Variants in PPP1R16B observed in about 807,000 individuals in gnomAD.
The protein encoded by PPP1R16B is protein phosphatase 1 regulatory inhibitor subunit 16B.
PPP1R16B carries 14 observed loss-of-function variants against 61.7 expected under a neutral mutation model. The ratio of observed to expected loss-of-function variants is 0.23; its 90% CI spans 0.15 to 0.35. The LOEUF (loss-of-function observed/expected upper bound fraction) is 0.35, where lower values mean the gene tolerates loss of function less well. PPP1R16B is among the 10% of genes least tolerant of loss of function. The pLI is 1.00. For missense variants in PPP1R16B, 547 were observed against 752.5 expected, an observed-to-expected ratio of 0.73 and a Z score of 3.19; for synonymous variants, 266 against 305.3, an observed-to-expected ratio of 0.87 and a Z score of 1.34.
chr20:38,852,872 C>G (rs1423195210), intron 2 of PPP1R16B, among the ~76,000 whole-genome samples: 2 of 148,748 alleles, frequency 1.3e-5, no homozygotes. Context: ...CTCCCAGGTT[C>G]AAGTGATTTT....
In PPP1R16B at chr20:38,841,517, G is replaced by A. The variant is rs561754793; in HGVS notation, c.250+5342G>A. On this transcript the variant is annotated intron_variant, in intron 2 of 10. Coordinates refer to ENST00000299824, the MANE Select transcript of PPP1R16B (RefSeq NM_015568.4). ...CACTCTAGCCTGGGTGACAGAGCAA[G>A]ACCCCATCTCAAAAACAAACAGAAA... Among the ~76,000 whole-genome samples the A allele has an allele frequency of 3.3e-5, 5 of 152,302 alleles. No individual in the cohort carries two copies. In the East Asian group the frequency reaches 9.6e-4, roughly 29 times the overall value.
chr20:38,908,297 A>G, intron 10 of PPP1R16B, 104 bp downstream of exon 10: 1 of 1,400,146 alleles, frequency 7.1e-7, no homozygotes, highest in Admixed American at 2.1e-5. Context: ...AGAGGGAAGT[A>G]GCCAGGCACT....
At chr20:38,841,081 A>G (rs770465253) in intron 2 of PPP1R16B, among the ~76,000 whole-genome samples, 1 of 151,856 alleles carries the variant, frequency 6.6e-6, no homozygotes, top group Non-Finnish European at 1.5e-5. Context: ...CTTCACAGCA[A>G]CTCTCTGAGG....
chr20:38,903,563 ATCCGTCCGTCCG>A (rs761663178), intron 6 of PPP1R16B, among the ~76,000 whole-genome samples: 2,450 of 147,106 alleles, frequency 0.017, 65 homozygotes, highest in African/African-American at 0.052. Context: ...CCATCCATCC[ATCCGTCCGTCCG>A]TCCGTCCATC....
At chr20:38,842,171 G>A (rs1012499205) in intron 2 of PPP1R16B, among the ~76,000 whole-genome samples, 13 of 152,204 alleles carry the variant, frequency 8.5e-5, no homozygotes, top group Admixed American at 3.9e-4. Context: ...CGAAGCCCAT[G>A]TATTTAACCA....
chr20:38,861,310 T>C (rs753134334), intron 2 of PPP1R16B, among the ~76,000 whole-genome samples: 1 of 152,190 alleles, frequency 6.6e-6, no homozygotes, highest in African/African-American at 2.4e-5. Flanking sequence ...CAACTTGGTA[T>C]TTGAGCTGGT....
chr20:38,842,463 T>C (rs1416521274), intron 2 of PPP1R16B, among the ~76,000 whole-genome samples: 1 of 152,226 alleles, frequency 6.6e-6, no homozygotes, highest in African/African-American at 2.4e-5. Context: ...TTTATGGAAA[T>C]TCTCATTCAA....
chr20:38,893,259 A>T (rs2085304874), intron 3 of PPP1R16B, among the ~76,000 whole-genome samples: 1 of 152,118 alleles, frequency 6.6e-6, no homozygotes, highest in South Asian at 2.1e-4. Context: ...GGCTGTTGCT[A>T]TTGTTATCAC....
chr20:38,890,768 T>C (rs2085286350), intron 3 of PPP1R16B, among the ~76,000 whole-genome samples: 1 of 152,228 alleles, frequency 6.6e-6, no homozygotes, highest in Non-Finnish European at 1.5e-5. Context: ...AGCCTCCCTG[T>C]GCCCGAGTTT....
At position 38,833,783 on chromosome 20, in the gene PPP1R16B, T is replaced by C. The variant is rs566734967; in HGVS notation, c.-101-2042T>C. On this transcript the variant is annotated intron_variant, in intron 1 of 10. Coordinates refer to ENST00000299824, the MANE Select transcript of PPP1R16B (RefSeq NM_015568.4). ...CATTGCCAAGCCAACCCCTTCCCCATTCTGCCTGCTTACTCTCCAGTCTCC... is the reference window on the plus strand; with the variant it reads ...CATTGCCAAGCCAACCCCTTCCCCACTCTGCCTGCTTACTCTCCAGTCTCC... Among the ~76,000 whole-genome samples, 24 of 152,340 alleles carry C rather than the reference T, an allele frequency of 1.6e-4. No individual in the cohort carries two copies. In the South Asian group the frequency reaches 4.8e-3, roughly 30 times the overall value.
At chr20:38,855,941 T>TAGAGAG (rs1371645291) in intron 2 of PPP1R16B, among the ~76,000 whole-genome samples, 7 of 25,372 alleles carry the variant, frequency 2.8e-4, no homozygotes, top group Admixed American at 1.7e-3. Context: ...TATATATATA[T>TAGAGAG]ATAGAGAGAG....
intron 1 of PPP1R16B, among the ~76,000 whole-genome samples, chr20:38,817,771 G>A (rs893315270): frequency 3.9e-5 from 6 of 152,106 alleles, no homozygotes; most frequent in South Asian, 2.1e-4. Flanking sequence ...TGGGTCGGGC[G>A]TAGTGGTTCA....
intron 2 of PPP1R16B, among the ~76,000 whole-genome samples, chr20:38,852,768 T>TTTTG (rs1601257219): frequency 6.3e-4 from 39 of 62,364 alleles, no homozygotes; most frequent in African/African-American, 8.0e-4. Flanking sequence ...TTTTTTTTTT[T>TTTTG]GCGGGGGGTG....
Position 38,918,010 on chromosome 20 carries a change from C to T in PPP1R16B, c.1195-147C>T. On this transcript the variant is annotated intron_variant, in intron 10 of 10. Transcript: ENST00000299824. This position sits in a 1 kb window ranked among gnomAD's most constrained non-coding sequence, Gnocchi z 5.3. ...TACGGAAATTCATAGATTGGGGGTT[C>T]CCCAAAGGAAAACCCTGGCCCCGAT... 5.4e-6 allele frequency: 6 copies of T among 1,117,164 alleles called. No individual in the cohort carries two copies. In the South Asian group the frequency reaches 9.1e-5, roughly 17 times the overall value. The allele number at this position is 1,117,164 out of a possible 1,614,324, so 69.2% of individuals were successfully genotyped here.
chr20:38,914,518 C>A (rs529923879), intron 10 of PPP1R16B, among the ~76,000 whole-genome samples: 1 of 152,308 alleles, frequency 6.6e-6, no homozygotes, highest in African/African-American at 2.4e-5. Context: ...ATTTGTACCT[C>A]ATTAAGCATT....
chr20:38,840,282 C>T (rs1390167468), intron 2 of PPP1R16B, among the ~76,000 whole-genome samples: 1 of 152,150 alleles, frequency 6.6e-6, no homozygotes, highest in Non-Finnish European at 1.5e-5. Flanking sequence ...AGCTCCCCCA[C>T]TCCCCTGAGC....
intron 2 of PPP1R16B, among the ~76,000 whole-genome samples, chr20:38,878,638 G>T (rs1306895315): frequency 6.6e-6 from 1 of 152,288 alleles, no homozygotes; most frequent in East Asian, 1.9e-4. Flanking sequence ...TAGCACCTAA[G>T]TCATGTGGTT....
At chr20:38,874,739 G>C (rs1399552961) in intron 2 of PPP1R16B, among the ~76,000 whole-genome samples, 2 of 152,148 alleles carry the variant, frequency 1.3e-5, no homozygotes, top group African/African-American at 4.8e-5. Flanking sequence ...TTAAAACCTG[G>C]GGTCAAGTTT....
At chr20:38,850,264 G>A (rs1467423542) in intron 2 of PPP1R16B, among the ~76,000 whole-genome samples, 1 of 152,102 alleles carries the variant, frequency 6.6e-6, no homozygotes, top group African/African-American at 2.4e-5. Flanking sequence ...TGCTATGATT[G>A]GTCTGGTTGG....
Sources: gnomAD v4.1 joint callset for allele counts (sites outside exome capture counted in the v4.1 genomes callset) on GRCh38, gnomAD v4.1.1 for gene constraint, Gnocchi (gnomAD v3.1) non-coding constraint, MANE v1.5 for transcripts, NCBI Gene and HGNC (gene_info 2026-07-23, HGNC 2026-07-21) for gene names.